The following HYDIN variants were observed in gnomAD, a reference collection of about 807,000 sequenced individuals.
HYDIN encodes HYDIN axonemal central pair apparatus protein.
A neutral mutation model predicts 403.9 loss-of-function variants in HYDIN; 132 were observed. That is an observed-to-expected ratio of 0.33 (90% CI 0.28 to 0.38). The LOEUF is 0.38. Ranked by LOEUF, HYDIN falls within the 10% of genes least tolerant of loss-of-function variation. The pLI is 1.00. For missense variants in HYDIN, 2,827 were observed against 5,009.5 expected (o/e 0.56, Z 13.15); for synonymous variants, 1,202 against 1,891.7 (o/e 0.64, Z 9.46).
At chr16:71,230,483 G>A (rs934578009) in intron 1 of HYDIN, 79 bp downstream of exon 1, 3 of 1,442,654 alleles carry the variant, frequency 2.1e-6, no homozygotes, top group African/African-American at 2.8e-5. Flanking sequence ...GCGAGGACGA[G>A]GACGAAAAGA....
intron 29 of HYDIN, among the ~76,000 whole-genome samples, chr16:70,980,860 C>T (rs972122759): frequency 6.6e-6 from 1 of 152,138 alleles, no homozygotes; most frequent in African/African-American, 2.4e-5. Context: ...TATTCTGCTA[C>T]AAAAGGATAG....
chr16:71,199,963 G>T (rs2087906229), intron 1 of HYDIN, among the ~76,000 whole-genome samples: 1 of 152,134 alleles, frequency 6.6e-6, no homozygotes, highest in Non-Finnish European at 1.5e-5. Flanking sequence ...GAGACAGGAG[G>T]TCAGCACAAG....
chr16:71,168,319 C>CAAA (rs71302043), intron 5 of HYDIN, among the ~76,000 whole-genome samples: 4 of 86,458 alleles, frequency 4.6e-5, no homozygotes, highest in Non-Finnish European at 9.2e-5. Context: ...AACCCTGCTT[C>CAAA]AAAAAAAAAA....
intron 73 of HYDIN, among the ~76,000 whole-genome samples, chr16:70,851,203 C>CA (rs4028101): frequency 0.069 from 1,507 of 21,904 alleles, 117 homozygotes; most frequent in Admixed American, 0.18. Flanking sequence ...ATCAATCCTG[C>CA]AAAAAAAAAA....
intron 21 of HYDIN, among the ~76,000 whole-genome samples, chr16:71,023,008 A>G (rs1226293488): frequency 6.6e-6 from 1 of 151,954 alleles, no homozygotes; most frequent in Non-Finnish European, 1.5e-5. Flanking sequence ...CATATTTAAC[A>G]TATATTACGT....
chr16:71,163,123 T>TC (rs1400750660), intron 5 of HYDIN, among the ~76,000 whole-genome samples: 1 of 102,800 alleles, frequency 9.7e-6, no homozygotes, highest in Non-Finnish European at 2.5e-5. Flanking sequence ...ATGTTTCTTT[T>TC]TTTTTTTTTT....
rs368834222 is a variant in HYDIN at position 70,804,924 on chromosome 16, G to A, written c.*2656C>T. Among the ~76,000 whole-genome samples, 1 of 152,242 alleles carries A rather than the reference G, an allele frequency of 6.6e-6. No individual in the cohort carries two copies. Among genetic ancestry groups the A allele is most frequent in the South Asian group, 2.1e-4 (1 of 4,838 alleles). On this transcript the variant is annotated 3_prime_UTR_variant, in exon 86 of 86. Coordinates refer to ENST00000393567, the MANE Select transcript of HYDIN (RefSeq NM_001270974.2). ...GGGAGTTGCCCCTAGCCACCCCAAG[G>A]CTGGCTATAAGCCATGCTGGGGCTG... is the stretch of plus-strand genomic sequence containing the variant.
At chr16:71,212,220 G>T (rs1169044266) in intron 1 of HYDIN, among the ~76,000 whole-genome samples, 2 of 152,206 alleles carry the variant, frequency 1.3e-5, no homozygotes, top group Non-Finnish European at 2.9e-5. Flanking sequence ...TTTGTAGGCT[G>T]TGATAACAGT....
chr16:71,214,956 G>A (rs9940569), intron 1 of HYDIN, among the ~76,000 whole-genome samples: 1 of 152,010 alleles, frequency 6.6e-6, no homozygotes, highest in African/African-American at 2.4e-5. Context: ...ATAAGATAAT[G>A]GAGAGATCTG....
intron 23 of HYDIN, among the ~76,000 whole-genome samples, chr16:71,000,701 T>A (rs1173424689): frequency 6.6e-6 from 1 of 151,586 alleles, no homozygotes; most frequent in Non-Finnish European, 1.5e-5. Flanking sequence ...TGGCAGACAG[T>A]CCTCTCATTA....
At chr16:71,173,773 G>A (rs2086559208) in intron 5 of HYDIN, among the ~76,000 whole-genome samples, 1 of 152,064 alleles carries the variant, frequency 6.6e-6, no homozygotes, top group African/African-American at 2.4e-5. Flanking sequence ...TAATCCTCAT[G>A]CCAATATAGA....
At position 70,860,173 on chromosome 16, in the gene HYDIN, G is replaced by C. The variant is rs1457043023; in HGVS notation, c.12024C>G (p.Thr4008=). The change falls in exon 71 of 86, where the codon ACC becomes ACG. Residue 4008 remains threonine (T), a synonymous_variant. Coordinates refer to ENST00000393567, the MANE Select transcript of HYDIN (RefSeq NM_001270974.2). The stretch of plus-strand genomic sequence containing the variant: ...CTTCAGAGATCCAGCAGAAGGAGTA[G>C]GTGCTATTGGTTGGGTTTAGGATGG... ...TFTILNPTNS[T]YSFCWISEEI... The C allele has an allele frequency of 6.2e-7, 1 of 1,614,114 alleles. No homozygotes were observed. The highest frequency in any genetic ancestry group is 8.5e-7 in the Non-Finnish European group (1 of 1,179,968).
At chr16:71,077,869 C>T (rs1269345630) in intron 13 of HYDIN, among the ~76,000 whole-genome samples, 1 of 151,998 alleles carries the variant, frequency 6.6e-6, no homozygotes, top group Admixed American at 6.6e-5. Context: ...AATTTCCCTC[C>T]TACTCCTAGT....
At position 71,022,499 on chromosome 16, in the gene HYDIN, G is replaced by T. The variant is rs541752124; in HGVS notation, c.3187-2182C>A. 2.0e-5 allele frequency among the ~76,000 whole-genome samples: 3 copies of T among 152,208 alleles called. No individual in the cohort carries two copies. The South Asian group carries it at 6.2e-4, about 32-fold the overall frequency. On this transcript the variant is annotated intron_variant, in intron 21 of 85. Transcript: ENST00000393567. Reference sequence around the variant, plus strand: ...ATAGAAAAATTCTTCCTATAGACAGGGTTGTTACCATTATATTCTAATGTA... The same window carrying T: ...ATAGAAAAATTCTTCCTATAGACAGTGTTGTTACCATTATATTCTAATGTA...
At chr16:71,181,777 T>C (rs2086914018) in intron 3 of HYDIN, among the ~76,000 whole-genome samples, 1 of 152,188 alleles carries the variant, frequency 6.6e-6, no homozygotes, top group Admixed American at 6.6e-5. Flanking sequence ...TTCTTTTTTG[T>C]ATGCTGAACA....
At chr16:71,214,002 A>G (rs1316767965) in intron 1 of HYDIN, among the ~76,000 whole-genome samples, 1 of 152,148 alleles carries the variant, frequency 6.6e-6, no homozygotes, top group Non-Finnish European at 1.5e-5. Context: ...GTTAGCAGAT[A>G]ATATGAATAT....
intron 43 of HYDIN, 139 bp downstream of exon 43, chr16:70,941,497 C>T (rs998492057): frequency 8.1e-5 from 44 of 543,170 alleles, no homozygotes; most frequent in African/African-American, 1.8e-4. Context: ...ACTTCCCAGC[C>T]GGCCACTCGC....
At chr16:70,895,824 T>G (rs537540931) in intron 54 of HYDIN, among the ~76,000 whole-genome samples, 157 bp downstream of exon 54, 1 of 151,442 alleles carries the variant, frequency 6.6e-6, no homozygotes, top group South Asian at 2.1e-4. Context: ...GTAGTCATGC[T>G]GCTAATATCA....
chr16:70,959,231 G>T (rs2078335608), intron 39 of HYDIN: 1 of 155,566 alleles, frequency 6.4e-6, no homozygotes. Context: ...TGTGATGGAA[G>T]TTTCTTTTCA....
Sources: allele counts gnomAD v4.1 joint callset (sites outside exome capture counted in the v4.1 genomes callset), GRCh38; gene constraint gnomAD v4.1.1; transcripts MANE v1.5; gene names NCBI Gene and HGNC (gene_info 2026-07-23, HGNC 2026-07-21).